The following TSC22D1 variants were observed in gnomAD, a reference collection of about 807,000 sequenced individuals.
The protein encoded by TSC22D1 is TSC22 domain family protein 1.
A neutral mutation model predicts 74.2 loss-of-function variants in TSC22D1; 9 were observed. That is an observed-to-expected ratio of 0.12 (90% confidence interval 0.07 to 0.21). TSC22D1 has a LOEUF of 0.21. TSC22D1 is among the 10% of genes least tolerant of loss of function. The probability of loss-of-function intolerance (pLI) is 1.00; values close to 1 mark genes in which losing one functional copy is unlikely to be tolerated. For missense variants in TSC22D1, 1,427 were observed against 1,304.7 expected (o/e 1.09, Z -1.44); for synonymous variants, 586 against 492.5 (o/e 1.19, Z -2.51).
Position 44,574,449 on chromosome 13 carries a change from T to A in TSC22D1, c.1626A>T (p.Ser542=). The change falls in exon 1 of 3, where the codon TCA becomes TCT. Residue 542 remains serine (S), a synonymous_variant. Coordinates refer to ENST00000458659, the MANE Select transcript of TSC22D1 (RefSeq NM_183422.4). ...AVSIPQSISQ[S]QISQVQLQSQ... is the part of the protein sequence containing the mutation. ...ACTGTAATTGTACTTGTGAGATCTG[T>A]GACTGAGAAATACTCTGTGGTATAC... 6.2e-7 allele frequency: 1 copy of A among 1,614,228 alleles called. No homozygotes were observed. Among genetic ancestry groups the A allele is most frequent in the East Asian group, 2.2e-5 (1 of 44,888 alleles).
chr13:44,450,635 A>C (rs1876049910), intron 1 of TSC22D1, among the ~76,000 whole-genome samples: 1 of 152,230 alleles, frequency 6.6e-6, no homozygotes, highest in Non-Finnish European at 1.5e-5. Context: ...AGGATGACTC[A>C]CAGGTTTCTG....
At chr13:44,483,068 A>C (rs1878256726) in intron 1 of TSC22D1, among the ~76,000 whole-genome samples, 1 of 152,218 alleles carries the variant, frequency 6.6e-6, no homozygotes, top group Admixed American at 6.5e-5. Context: ...AATTTTAAAA[A>C]AGTAACTACA....
In TSC22D1 at chr13:44,575,601, T is replaced by C. The variant is rs1172544727; in HGVS notation, c.474A>G (p.Ser158=). 13 of 1,614,090 alleles carry C rather than the reference T, an allele frequency of 8.1e-6. No individual in the cohort carries two copies. Among genetic ancestry groups the C allele is most frequent in the Non-Finnish European group, 1.1e-5 (13 of 1,180,016 alleles). ...DLSSSEILDV[S]LSRATDLGEP... ...CCCCTAAGTCAGTAGCCCTGGAAAG[T>C]GACACATCAAGGATCTCCGAAGAAG... The change falls in exon 1 of 3, where the codon TCA becomes TCG. Residue 158 remains serine (S), a synonymous_variant. Coordinates refer to ENST00000458659, the MANE Select transcript of TSC22D1 (RefSeq NM_183422.4).
At chr13:44,510,292 T>G (rs1444113503) in intron 1 of TSC22D1, among the ~76,000 whole-genome samples, 1 of 151,340 alleles carries the variant, frequency 6.6e-6, no homozygotes, top group Non-Finnish European at 1.5e-5. Context: ...CTCAGGAGGC[T>G]GAGGCAGGAG....
In TSC22D1 at chr13:44,470,870, T is replaced by C; in HGVS notation, c.2913-34775A>G. On this transcript the variant is annotated intron_variant, in intron 1 of 2. Transcript: ENST00000458659. ...AAGAGTCACGGTCCAGAGTCTCTGCTGGGACCAGTCCTTATTCCCTCCACA... is the reference window on the plus strand; with the variant it reads ...AAGAGTCACGGTCCAGAGTCTCTGCCGGGACCAGTCCTTATTCCCTCCACA... 1.3e-5 allele frequency among the ~76,000 whole-genome samples: 2 copies of C among 152,336 alleles called. 1 individual carries two copies. The highest frequency in any genetic ancestry group is 6.8e-3 in the Middle Eastern group (2 of 294).
intron 1 of TSC22D1, among the ~76,000 whole-genome samples, chr13:44,497,600 A>G (rs1879034220): frequency 6.6e-6 from 1 of 152,220 alleles, no homozygotes; most frequent in Non-Finnish European, 1.5e-5. Context: ...TGTGGCCTTA[A>G]TCAGAAAGCC....
intron 1 of TSC22D1, among the ~76,000 whole-genome samples, chr13:44,535,441 C>T (rs1370737076): frequency 6.6e-6 from 1 of 151,802 alleles, no homozygotes; most frequent in Non-Finnish European, 1.5e-5. Context: ...TAAAGGGAAA[C>T]AAAAATACCT....
At chr13:44,450,572 A>C (rs1165676517) in intron 1 of TSC22D1, among the ~76,000 whole-genome samples, 1 of 152,232 alleles carries the variant, frequency 6.6e-6, no homozygotes, top group Non-Finnish European at 1.5e-5. Flanking sequence ...GATGGATTCA[A>C]AGACATTGCA....
At chr13:44,499,474 GGTTA>G (rs1184160780) in intron 1 of TSC22D1, among the ~76,000 whole-genome samples, 1 of 152,060 alleles carries the variant, frequency 6.6e-6, no homozygotes, top group Non-Finnish European at 1.5e-5. Flanking sequence ...TTGTTAATGA[GGTTA>G]GTTTTACTCT....
chr13:44,556,353 T>G (rs1389614307), intron 1 of TSC22D1, among the ~76,000 whole-genome samples: 9 of 151,862 alleles, frequency 5.9e-5, no homozygotes, highest in Non-Finnish European at 1.2e-4. Context: ...AAGACCAGCC[T>G]GACCAACATG....
At chr13:44,530,852 G>A (rs1880797759) in intron 1 of TSC22D1, among the ~76,000 whole-genome samples, 1 of 152,140 alleles carries the variant, frequency 6.6e-6, no homozygotes, top group Admixed American at 6.5e-5. Context: ...TCAAATGCTG[G>A]TGAGAATGTG....
Position 44,544,562 on chromosome 13 carries a change from C to T in TSC22D1, c.2912+28601G>A, listed in dbSNP as rs558344112. Among the ~76,000 whole-genome samples the T allele has an allele frequency of 3.6e-5, 5 of 138,770 alleles. No homozygotes were observed. In the East Asian group the frequency reaches 1.0e-3, roughly 29 times the overall value. The allele number at this position is 138,770 out of a possible 152,430, so 91.0% of individuals were successfully genotyped here. A position where few individuals can be genotyped will look rare whatever the true frequency, so the allele number is the denominator to read the frequency against. ...TTTAATTAAAAAAAAAAAAAACCAA[C>T]GGGAAGGAAGTCTGAACTTAAGGGG... On this transcript the variant is annotated intron_variant, in intron 1 of 2. Coordinates refer to ENST00000458659, the MANE Select transcript of TSC22D1 (RefSeq NM_183422.4).
rs75595553 is a variant in TSC22D1, at chr13:44,571,457, G to C, written c.2912+1706C>G. ...CATGTCCTACCAATAGGAGGAAAAA[G>C]AGGTGAAAGTCAAGCCAGGAGACCA... On this transcript the variant is annotated intron_variant, in intron 1 of 2. Transcript: ENST00000458659. Among the ~76,000 whole-genome samples the C allele has an allele frequency of 1.4e-3, 217 of 152,250 alleles. 3 individuals are homozygous for C. In the East Asian group the frequency reaches 0.036, roughly 25 times the overall value.
intron 1 of TSC22D1, among the ~76,000 whole-genome samples, chr13:44,445,686 A>G (rs1252819559): frequency 1.3e-5 from 2 of 152,172 alleles, no homozygotes; most frequent in African/African-American, 4.8e-5. Flanking sequence ...CAAGAAAACA[A>G]ACAACCCATT....
At chr13:44,509,950 CAA>C in intron 1 of TSC22D1, among the ~76,000 whole-genome samples, 1,026 of 51,420 alleles carry the variant, frequency 0.02, 9 homozygotes, top group African/African-American at 0.031. Context: ...AGAAAATAAG[CAA>C]AAAAAAAAAA....
chr13:44,567,737 C>A (rs1393949504), intron 1 of TSC22D1, among the ~76,000 whole-genome samples: 1 of 151,806 alleles, frequency 6.6e-6, no homozygotes, highest in Non-Finnish European at 1.5e-5. Context: ...GGTCCGTTAT[C>A]CAAATAAGAG....
chr13:44,434,054 AG>A lies in TSC22D1; in HGVS notation c.*571del. 1 of 1,530,534 alleles carries A rather than the reference AG, an allele frequency of 6.5e-7. No individual in the cohort carries two copies. The highest frequency in any genetic ancestry group is 8.7e-7 in the Non-Finnish European group (1 of 1,145,782). The allele number at this position is 1,530,534 out of a possible 1,614,324, so 94.8% of individuals were successfully genotyped here. ...CCTGTCACCATTTTGTCACTCTCAT[AG>A]TTTTGTGTCATCCATTGTTTGAGAA... is the stretch of plus-strand genomic sequence containing the variant. On this transcript the variant is annotated 3_prime_UTR_variant, in exon 3 of 3. Coordinates refer to ENST00000458659, the MANE Select transcript of TSC22D1 (RefSeq NM_183422.4).
intron 1 of TSC22D1, among the ~76,000 whole-genome samples, chr13:44,499,145 T>A (rs1050379225): frequency 1.3e-5 from 2 of 152,236 alleles, no homozygotes; most frequent in Non-Finnish European, 2.9e-5. Context: ...TGTACCACTA[T>A]CTACCAATCC....
At chr13:44,481,936 C>T (rs1279798410) in intron 1 of TSC22D1, among the ~76,000 whole-genome samples, 1 of 152,136 alleles carries the variant, frequency 6.6e-6, no homozygotes, top group African/African-American at 2.4e-5. Flanking sequence ...AACCATTATT[C>T]CCAGTTAAAA....
Sources: allele counts gnomAD v4.1 joint callset (sites outside exome capture counted in the v4.1 genomes callset), GRCh38; gene constraint gnomAD v4.1.1; transcripts MANE v1.5; gene names NCBI Gene and HGNC (gene_info 2026-07-23, HGNC 2026-07-21).